Variants in LEKR1 observed in about 807,000 individuals in gnomAD.
LEKR1 encodes the protein leucine, glutamate and lysine rich 1.
A neutral mutation model predicts 72.4 loss-of-function variants in LEKR1; 59 were observed. The ratio of observed to expected loss-of-function variants is 0.82; its 90% CI spans 0.66 to 1.01. LEKR1 has a LOEUF of 1.01. Among genes scored for constraint, LEKR1 ranks in the 50% least tolerant of loss-of-function variants. The pLI is 0.00. For synonymous variants in LEKR1, 257 were observed against 263.2 expected, an observed-to-expected ratio of 0.98 and a Z score of 0.23; for missense variants, 728 against 759.2, an observed-to-expected ratio of 0.96 and a Z score of 0.48.
chr3:156,847,209 T>G (rs914050908), intron 2 of LEKR1, among the ~76,000 whole-genome samples: 4 of 152,258 alleles, frequency 2.6e-5, no homozygotes, highest in African/African-American at 9.6e-5. Flanking sequence ...GGAAAGGATC[T>G]GAAGCCTAAT....
chr3:156,970,926 A>G (rs1280002133), intron 6 of LEKR1, among the ~76,000 whole-genome samples: 1 of 151,986 alleles, frequency 6.6e-6, no homozygotes, highest in African/African-American at 2.4e-5. Flanking sequence ...AAGGTAATCT[A>G]TAGATTCAAT....
intron 3 of LEKR1, chr3:156,888,150 C>G: frequency 1.7e-6 from 1 of 592,824 alleles, no homozygotes; most frequent in Non-Finnish European, 3.1e-6. Flanking sequence ...CGTAGGAGGG[C>G]TCAAAGAAGG....
At chr3:156,927,407 A>ATTTT in intron 4 of LEKR1, 22 bp from the exon 5 acceptor site, 1 of 805,578 alleles carries the variant, frequency 1.2e-6, no homozygotes, top group Non-Finnish European at 1.6e-6. Flanking sequence ...TTAAAATCCT[A>ATTTT]TTTTTTTTTT....
chr3:156,883,611 A>T (rs568206823), intron 3 of LEKR1, among the ~76,000 whole-genome samples: 2 of 152,170 alleles, frequency 1.3e-5, no homozygotes, highest in African/African-American at 2.4e-5. Flanking sequence ...AGTTTCCCCC[A>T]TACTGTTCTC....
intron 3 of LEKR1, among the ~76,000 whole-genome samples, chr3:156,875,510 G>A (rs1317764007): frequency 1.3e-5 from 2 of 151,948 alleles, no homozygotes; most frequent in African/African-American, 4.8e-5. Flanking sequence ...CTTTTGCTGT[G>A]CAAAAGCTTT....
At chr3:157,012,894 C>G (rs927833441) in intron 10 of LEKR1, among the ~76,000 whole-genome samples, 1 of 152,000 alleles carries the variant, frequency 6.6e-6, no homozygotes, top group South Asian at 2.1e-4. Flanking sequence ...CTTATTCTTA[C>G]CAATCTATGT....
chr3:156,925,577 A>G (rs1724639860), intron 4 of LEKR1, among the ~76,000 whole-genome samples: 1 of 151,980 alleles, frequency 6.6e-6, no homozygotes, highest in Non-Finnish European at 1.5e-5. Context: ...TAAGGTTACC[A>G]ATAGAGGCAA....
chr3:156,993,157 T>C lies in LEKR1; in HGVS notation c.989T>C (p.Val330Ala). The change falls in exon 9 of 13, where the codon GTG becomes GCG. Residue 330 changes from valine to alanine, a missense_variant. Coordinates refer to ENST00000356539, the MANE Select transcript of LEKR1 (RefSeq NM_001004316.3). The part of the protein sequence containing the change: ...IYKALQEELT[V>A]KEKQEEDIKR... The stretch of plus-strand genomic sequence containing the variant: ...AAAGCATTACAGGAAGAGCTGACTG[T>C]GAAAGAAAAGCAAGAAGAAGACATA... The C allele has an allele frequency of 6.2e-7, 1 of 1,612,322 alleles. No homozygotes were observed. The highest frequency in any genetic ancestry group is 8.5e-7 in the Non-Finnish European group (1 of 1,178,960).
intron 3 of LEKR1, among the ~76,000 whole-genome samples, chr3:156,896,305 A>G (rs1159788543): frequency 6.6e-6 from 1 of 152,186 alleles, no homozygotes; most frequent in Non-Finnish European, 1.5e-5. Flanking sequence ...GCACATGTTT[A>G]CCTATGTAAC....
chr3:156,949,394 C>A (rs1726958250), intron 6 of LEKR1, among the ~76,000 whole-genome samples: 2 of 151,742 alleles, frequency 1.3e-5, no homozygotes, highest in South Asian at 2.1e-4. Context: ...AGCCAGTTAT[C>A]CCAGCACCGT....
intron 12 of LEKR1, 124 bp from the exon 13 acceptor site, chr3:157,045,216 A>G: frequency 1.4e-6 from 1 of 724,828 alleles, no homozygotes; most frequent in Non-Finnish European, 2.3e-6. Context: ...GTAGAGTGTC[A>G]TAGAGACAAA....
chr3:156,957,550 C>T (rs575967333), intron 6 of LEKR1, among the ~76,000 whole-genome samples: 31 of 151,702 alleles, frequency 2.0e-4, no homozygotes, highest in Non-Finnish European at 4.0e-4. Flanking sequence ...AAAAACTCCT[C>T]AAAACAATAC....
intron 3 of LEKR1, among the ~76,000 whole-genome samples, chr3:156,866,858 C>T (rs1473923413): frequency 3.3e-5 from 5 of 151,956 alleles, no homozygotes; most frequent in Non-Finnish European, 7.4e-5. Context: ...TCCCCTTCCC[C>T]ACACCCAACT....
intron 2 of LEKR1, among the ~76,000 whole-genome samples, chr3:156,832,332 A>G (rs1278209251): frequency 6.6e-6 from 1 of 152,200 alleles, no homozygotes; most frequent in Non-Finnish European, 1.5e-5. Context: ...ATTAGCAGAG[A>G]CTCAAACATA....
In LEKR1 at chr3:156,954,111, G is replaced by A. The variant is rs1396343500; in HGVS notation, c.745+11397G>A. Among the ~76,000 whole-genome samples, 3 of 152,028 alleles carry A rather than the reference G, an allele frequency of 2.0e-5. No homozygotes were observed. The East Asian group carries it at 5.8e-4, about 29-fold the overall frequency. ...TGGTTTTAATTTGCATTTCTCTAAT[G>A]ATCATGATGATGAGCTTTTTTTCAT... On this transcript the variant is annotated intron_variant, in intron 6 of 12. Coordinates refer to ENST00000356539, the MANE Select transcript of LEKR1 (RefSeq NM_001004316.3).
At chr3:156,859,628 C>T (rs1408609240) in intron 3 of LEKR1, among the ~76,000 whole-genome samples, 2 of 152,270 alleles carry the variant, frequency 1.3e-5, no homozygotes, top group South Asian at 2.1e-4. Context: ...TTACGTTTTA[C>T]TCTTGGTATT....
At chr3:156,861,705 T>A (rs1160293972) in intron 3 of LEKR1, among the ~76,000 whole-genome samples, 1 of 152,120 alleles carries the variant, frequency 6.6e-6, no homozygotes, top group African/African-American at 2.4e-5. Context: ...AAAAAATAAT[T>A]TTAAATCTAG....
At chr3:156,848,916 T>C (rs2108535963) in intron 2 of LEKR1, among the ~76,000 whole-genome samples, 1 of 152,248 alleles carries the variant, frequency 6.6e-6, no homozygotes, top group South Asian at 2.1e-4. Flanking sequence ...TTATTATACT[T>C]TAAGTTTTAG....
chr3:157,007,045 C>CAA (rs565112043), intron 9 of LEKR1, among the ~76,000 whole-genome samples: 2 of 151,392 alleles, frequency 1.3e-5, no homozygotes, highest in African/African-American at 4.9e-5. Flanking sequence ...TAAAAAAATA[C>CAA]AAAAAAAATA....
Sources: gnomAD v4.1 joint callset for allele counts (sites outside exome capture counted in the v4.1 genomes callset) on GRCh38, gnomAD v4.1.1 for gene constraint, MANE v1.5 for transcripts, NCBI Gene and HGNC (gene_info 2026-07-23, HGNC 2026-07-21) for gene names.